The following PAN3 variants were observed in gnomAD, a reference collection of about 807,000 sequenced individuals.
The protein encoded by PAN3 is PAN2-PAN3 deadenylation complex subunit PAN3.
Under a neutral mutation model 96.2 loss-of-function variants are expected in PAN3, and 19 were observed. The observed-to-expected ratio is 0.20, with a 90% CI of 0.14 to 0.29. The LOEUF (loss-of-function observed/expected upper bound fraction) is 0.29, where lower values mean the gene tolerates loss of function less well. Ranked by LOEUF, PAN3 falls within the 10% of genes least tolerant of loss-of-function variation. The probability of loss-of-function intolerance (pLI) is 1.00; values close to 1 mark genes in which losing one functional copy is unlikely to be tolerated. For missense variants in PAN3, 882 were observed against 1,108.1 expected, an observed-to-expected ratio of 0.80 and a Z score of 2.90; for synonymous variants, 433 against 406.6, an observed-to-expected ratio of 1.06 and a Z score of -0.78.
At chr13:28,214,551 TG>T in intron 5 of PAN3, 1 of 352,088 alleles carries the variant, frequency 2.8e-6, no homozygotes, top group African/African-American at 2.2e-5. Context: ...TTGTCTTCAT[TG>T]GACACATAGA....
chr13:28,165,293 T>TTC (rs1487633593), intron 1 of PAN3, among the ~76,000 whole-genome samples: 1 of 150,442 alleles, frequency 6.6e-6, no homozygotes, highest in African/African-American at 2.4e-5. Context: ...CTTTTTTTTT[T>TTC]TTTTTTTGTA....
chr13:28,146,836 G>A (rs1458846731), intron 1 of PAN3, among the ~76,000 whole-genome samples: 1 of 152,082 alleles, frequency 6.6e-6, no homozygotes, highest in African/African-American at 2.4e-5. Flanking sequence ...TTAGCTGGGC[G>A]TGGTGGAGCA....
At chr13:28,220,534 G>A (rs901337764) in intron 6 of PAN3, among the ~76,000 whole-genome samples, 156 bp downstream of exon 6, 4 of 152,148 alleles carry the variant, frequency 2.6e-5, no homozygotes, top group Middle Eastern at 3.2e-3. Context: ...GGCCAAATGT[G>A]TAGTTGAGAA....
In PAN3 at chr13:28,203,959, C is replaced by A. The variant is rs1747272; in HGVS notation, c.852+6613C>A. Among the ~76,000 whole-genome samples the A allele has an allele frequency of 4.1e-3, 616 of 151,890 alleles. 8 individuals are homozygous for A. Among genetic ancestry groups the A allele is most frequent in the Non-Finnish European group, 5.5e-3 (375 of 67,934 alleles). On this transcript the variant is annotated intron_variant, in intron 5 of 18. Coordinates refer to ENST00000380958, the MANE Select transcript of PAN3 (RefSeq NM_175854.8). ...GCTGGGATACAGGCACACTCCACCA[C>A]GCCCAGCTAATTTTTGTATTTTTAA...
chr13:28,218,079 C>T (rs543912699), intron 5 of PAN3, among the ~76,000 whole-genome samples: 4 of 151,856 alleles, frequency 2.6e-5, no homozygotes, highest in South Asian at 4.2e-4. Context: ...AAATATATAC[C>T]TATGCTATTT....
At chr13:28,278,934 C>T (rs941970436) in intron 15 of PAN3, among the ~76,000 whole-genome samples, 1 of 151,916 alleles carries the variant, frequency 6.6e-6, no homozygotes, top group Non-Finnish European at 1.5e-5. Flanking sequence ...ATGCAGGATA[C>T]TTTGAATGAG....
At chr13:28,140,146 CGTT>C (rs747507569) in intron 1 of PAN3, among the ~76,000 whole-genome samples, 1 of 152,038 alleles carries the variant, frequency 6.6e-6, no homozygotes, top group Non-Finnish European at 1.5e-5. Context: ...ATAGTAGTCT[CGTT>C]GTGTTGGCCA....
chr13:28,162,072 G>A (rs193110437), intron 1 of PAN3, among the ~76,000 whole-genome samples: 1 of 152,334 alleles, frequency 6.6e-6, no homozygotes, highest in East Asian at 1.9e-4. Flanking sequence ...TAAATAAGTA[G>A]ATTTGGCACC....
At chr13:28,198,406 T>C (rs1284379239) in intron 5 of PAN3, among the ~76,000 whole-genome samples, 1 of 152,188 alleles carries the variant, frequency 6.6e-6, no homozygotes, top group Non-Finnish European at 1.5e-5. Context: ...GAAACAAAAA[T>C]TATATGTAAA....
chr13:28,174,595 G>A (rs1874719501), intron 2 of PAN3, among the ~76,000 whole-genome samples: 1 of 152,124 alleles, frequency 6.6e-6, no homozygotes, highest in Non-Finnish European at 1.5e-5. Context: ...GTAGGGTTAG[G>A]GGCAAGAGTG....
At position 28,196,028 on chromosome 13, in the gene PAN3, T is replaced by G. The variant is rs374906735; in HGVS notation, c.691-1157T>G. 3.5e-4 allele frequency among the ~76,000 whole-genome samples: 52 copies of G among 148,172 alleles called. 1 individual carries two copies. The East Asian group carries it at 8.8e-3, about 25-fold the overall frequency. ...TGACTGGCTATAGGTTTTTTTTTGTTTTTTTTTTTTTAATAGAGACAGGGT... is the reference window on the plus strand; with the variant it reads ...TGACTGGCTATAGGTTTTTTTTTGTGTTTTTTTTTTTAATAGAGACAGGGT... On this transcript the variant is annotated intron_variant, in intron 4 of 18. Transcript: ENST00000380958.
At chr13:28,151,340 C>G (rs1213914535) in intron 1 of PAN3, among the ~76,000 whole-genome samples, 16 of 151,910 alleles carry the variant, frequency 1.1e-4, no homozygotes, top group Non-Finnish European at 1.5e-5. Context: ...ACGGTGAAAC[C>G]CCATCTCTAC....
intron 1 of PAN3, among the ~76,000 whole-genome samples, chr13:28,148,356 C>T (rs768532618): frequency 3.3e-5 from 5 of 152,064 alleles, no homozygotes; most frequent in Non-Finnish European, 7.4e-5. Context: ...AATCATAGCT[C>T]GCTGCAGCGT....
intron 4 of PAN3, among the ~76,000 whole-genome samples, chr13:28,188,261 A>G (rs957004858): frequency 6.6e-6 from 1 of 150,948 alleles, no homozygotes; most frequent in African/African-American, 2.4e-5. Flanking sequence ...TTTTTTTTGC[A>G]ACCTCCTCTG....
chr13:28,193,911 C>CT (rs1314435745), intron 4 of PAN3, among the ~76,000 whole-genome samples: 1 of 151,864 alleles, frequency 6.6e-6, no homozygotes, highest in Non-Finnish European at 1.5e-5. Flanking sequence ...AATCCCAGCA[C>CT]TTTGGGAGGC....
At chr13:28,237,287 A>G (rs1883202353) in intron 6 of PAN3, among the ~76,000 whole-genome samples, 1 of 152,060 alleles carries the variant, frequency 6.6e-6, no homozygotes, top group South Asian at 2.1e-4. Flanking sequence ...AGTTTGGCAC[A>G]TTGTTTCTTG....
At chr13:28,231,020 G>C (rs1882502574) in intron 6 of PAN3, among the ~76,000 whole-genome samples, 1 of 152,136 alleles carries the variant, frequency 6.6e-6, no homozygotes, top group Non-Finnish European at 1.5e-5. Context: ...CATCATTTTA[G>C]ATCATTTGGC....
At chr13:28,217,411 G>A (rs1205878704) in intron 5 of PAN3, among the ~76,000 whole-genome samples, 1 of 151,882 alleles carries the variant, frequency 6.6e-6, no homozygotes, top group Non-Finnish European at 1.5e-5. Context: ...ATGAAACATT[G>A]CCTCTACCAA....
intron 1 of PAN3, among the ~76,000 whole-genome samples, chr13:28,150,614 G>A (rs1261306049): frequency 6.7e-5 from 10 of 149,416 alleles, no homozygotes; most frequent in Non-Finnish European, 1.2e-4. Flanking sequence ...TCCAGCCTAG[G>A]CGACAGAGCG....
Sources: allele counts gnomAD v4.1 joint callset (sites outside exome capture counted in the v4.1 genomes callset), GRCh38; gene constraint gnomAD v4.1.1; transcripts MANE v1.5; gene names NCBI Gene and HGNC (gene_info 2026-07-23, HGNC 2026-07-21).